IRS1: variants seen among roughly 807,000 people sequenced by gnomAD.
The protein encoded by IRS1 is insulin receptor substrate 1.
IRS1 carries 34 observed loss-of-function variants against 65.6 expected under a neutral mutation model. The ratio of observed to expected loss-of-function variants is 0.52; its 90% confidence interval spans 0.39 to 0.69. IRS1 has a LOEUF of 0.69. Ranked by LOEUF, IRS1 falls within the 30% of genes least tolerant of loss-of-function variation. The pLI, the probability that IRS1 is intolerant of heterozygous loss-of-function variation, is 0.00. For missense variants in IRS1, 1,641 were observed against 1,720.2 expected, an observed-to-expected ratio of 0.95 and a Z score of 0.81; for synonymous variants, 699 against 683.5, an observed-to-expected ratio of 1.02 and a Z score of -0.35.
At chr2:226,791,403 T>A (rs1939593320) in intron 1 of IRS1, among the ~76,000 whole-genome samples, 1 of 152,186 alleles carries the variant, frequency 6.6e-6, no homozygotes, top group South Asian at 2.1e-4. Flanking sequence ...CGTCACATGG[T>A]TACGGCCTGG....
In IRS1 at chr2:226,795,351, C is replaced by G. The variant is rs145977916; in HGVS notation, c.3388G>C (p.Gly1130Arg). The change falls in exon 1 of 2, where the codon GGT (glycine) becomes CGT (arginine). Residue 1130 changes from glycine (G) to arginine (R), a missense_variant. Coordinates refer to ENST00000305123, the MANE Select transcript of IRS1 (RefSeq NM_005544.3). ...GAGAAVGGGG[G>R]SSSSSEDVKR... is the part of the protein sequence containing the mutation. ...ACATCCTCGCTGCTGCTGCTGCTACCGCCACCGCCCCCTACTGCTGCCCCC... is the reference window on the plus strand; with the variant it reads ...ACATCCTCGCTGCTGCTGCTGCTACGGCCACCGCCCCCTACTGCTGCCCCC... The G allele has an allele frequency of 6.2e-7, 1 of 1,613,166 alleles. No individual in the cohort carries two copies. The highest frequency in any genetic ancestry group is 8.5e-7 in the Non-Finnish European group (1 of 1,179,970).
chr2:226,752,027 T>C (rs190113519), intron 1 of IRS1, among the ~76,000 whole-genome samples: 46 of 152,334 alleles, frequency 3.0e-4, no homozygotes, highest in African/African-American at 1.0e-3. Flanking sequence ...TCATGGTCTA[T>C]AACAACTTCA....
At position 226,735,689 on chromosome 2, in the gene IRS1, T is replaced by C. The variant is rs1559145082; in HGVS notation, c.*583A>G. 1 of 152,594 alleles carries C rather than the reference T, an allele frequency of 6.6e-6. No individual in the cohort carries two copies. Among genetic ancestry groups the C allele is most frequent in the Non-Finnish European group, 1.5e-5 (1 of 68,030 alleles). The allele number at this position is 152,594 out of a possible 1,614,324, so 9.5% of individuals were successfully genotyped here. A position where few individuals can be genotyped will look rare whatever the true frequency, so the allele number is the denominator to read the frequency against. The stretch of plus-strand genomic sequence containing the variant: ...CTCTTTTAAGCCTTGTTTTAAGCAT[T>C]TGCTCCACTCTTTACAACAGAACAT... On this transcript the variant is annotated 3_prime_UTR_variant, in exon 2 of 2. Transcript: ENST00000305123.
intron 1 of IRS1, among the ~76,000 whole-genome samples, chr2:226,777,567 T>A (rs894528694): frequency 6.6e-6 from 1 of 152,188 alleles, no homozygotes; most frequent in African/African-American, 2.4e-5. Flanking sequence ...CCAAATCTCA[T>A]CTTGTAGCTC....
At position 226,731,364 on chromosome 2, in the gene IRS1, A is replaced by G. The variant is rs1938218066; in HGVS notation, c.*4908T>C. ...CAGTTTGTTTCATGTCCAGCAATCA[A>G]AGACATTAAGGACCACTAATATTTA... On this transcript the variant is annotated 3_prime_UTR_variant, in exon 2 of 2. Transcript: ENST00000305123. 1 of 152,218 alleles carries G rather than the reference A, an allele frequency of 6.6e-6. No homozygotes were observed. The highest frequency in any genetic ancestry group is 1.5e-5 in the Non-Finnish European group (1 of 68,046). 9.4% of individuals were successfully genotyped at this position (152,218 alleles called of 1,614,324 possible).
chr2:226,798,642 G>C lies in IRS1; in HGVS notation c.97C>G (p.Arg33Gly), dbSNP rs762833254. The C allele has an allele frequency of 1.2e-6, 2 of 1,612,890 alleles. No individual in the cohort carries two copies. The highest frequency in any genetic ancestry group is 1.7e-6 in the Non-Finnish European group (2 of 1,179,560). ...GGGCCCCCAGCCTCGCTGGCCGCGC[G>C]CAGTACGAAGAAGCGTTTGTGCATG... is the stretch of plus-strand genomic sequence containing the variant. The part of the protein sequence containing the change: ...KSMHKRFFVL[R>G]AASEAGGPAR... The change falls in exon 1 of 2, where the codon CGC (arginine) becomes GGC (glycine). Residue 33 changes from arginine (R) to glycine (G), a missense_variant. Transcript: ENST00000305123. The surrounding 1 kb of genome is among the most constrained non-coding windows in gnomAD (Gnocchi z 9.4).
At chr2:226,783,637 C>T (rs1474514854) in intron 1 of IRS1, among the ~76,000 whole-genome samples, 1 of 152,150 alleles carries the variant, frequency 6.6e-6, no homozygotes, top group Non-Finnish European at 1.5e-5. Context: ...CTATAAACAT[C>T]TAAGAATAAT....
chr2:226,790,922 C>CA (rs1429326205), intron 1 of IRS1, among the ~76,000 whole-genome samples: 2 of 152,102 alleles, frequency 1.3e-5, no homozygotes, highest in African/African-American at 4.8e-5. Flanking sequence ...CTGGGACTGT[C>CA]AATGATGGAA....
chr2:226,740,100 A>G (rs1390363953), intron 1 of IRS1, among the ~76,000 whole-genome samples: 3 of 152,240 alleles, frequency 2.0e-5, no homozygotes, highest in Non-Finnish European at 4.4e-5. Context: ...AAGGCAAAAC[A>G]TTTCCTTAAG....
rs1397508718 is a variant in IRS1, at chr2:226,734,707, C to A, written c.*1565G>T. 6.6e-6 allele frequency: 1 copy of A among 152,196 alleles called. No homozygotes were observed. The highest frequency in any genetic ancestry group is 2.4e-5 in the African/African-American group (1 of 41,438). The allele number at this position is 152,196 out of a possible 1,614,324, so 9.4% of individuals were successfully genotyped here. On this transcript the variant is annotated 3_prime_UTR_variant, in exon 2 of 2. Transcript: ENST00000305123. Reference sequence around the variant, plus strand: ...TGATATTTGCATTAATTCATTTAACCTTTAGGAAGTTTCCTGGTAAAAAGA... The same window carrying A: ...TGATATTTGCATTAATTCATTTAACATTTAGGAAGTTTCCTGGTAAAAAGA...
At chr2:226,760,229 T>C (rs1456284789) in intron 1 of IRS1, among the ~76,000 whole-genome samples, 1 of 152,112 alleles carries the variant, frequency 6.6e-6, no homozygotes, top group African/African-American at 2.4e-5. Context: ...TCCAAATGAG[T>C]CATTTATGTG....
intron 1 of IRS1, among the ~76,000 whole-genome samples, chr2:226,767,580 G>C (rs374007014): frequency 6.6e-6 from 1 of 152,160 alleles, no homozygotes; most frequent in Non-Finnish European, 1.5e-5. Context: ...TCATAACCTG[G>C]GTGGCCAAGC....
chr2:226,737,087 C>G (rs1438697770), intron 1 of IRS1, among the ~76,000 whole-genome samples: 1 of 106,218 alleles, frequency 9.4e-6, no homozygotes, highest in Non-Finnish European at 1.8e-5. Flanking sequence ...TGTTATCCCT[C>G]CCCCCTCCCC....
intron 1 of IRS1, among the ~76,000 whole-genome samples, chr2:226,776,392 G>A (rs1037953459): frequency 1.3e-5 from 2 of 152,046 alleles, no homozygotes; most frequent in African/African-American, 4.8e-5. Flanking sequence ...GTAGATAACT[G>A]CCCAATCCTT....
rs202243502 is a variant in IRS1 at position 226,795,442 on chromosome 2, A to G, written c.3297T>C (p.His1099=). 1.1e-5 allele frequency: 17 copies of G among 1,613,486 alleles called. No homozygotes were observed. In the East Asian group the frequency reaches 1.8e-4, roughly 17 times the overall value. Residue 1099 remains histidine, a synonymous_variant, in exon 1 of 2, where the codon CAT becomes CAC. Transcript: ENST00000305123. Reference sequence around the variant, plus strand: ...GTGTTGAGGAGAAAGTCTCGGAGCTATGCCTCCGCCGGCACCCTTGTGGGT... The same window carrying G: ...GTGTTGAGGAGAAAGTCTCGGAGCTGTGCCTCCGCCGGCACCCTTGTGGGT... ...RADPQGCRRR[H]SSETFSSTPS...
rs561804239 is a variant in IRS1 at position 226,780,740 on chromosome 2, T to C, written c.*21+14249A>G. 2.0e-4 allele frequency among the ~76,000 whole-genome samples: 29 copies of C among 147,972 alleles called. No individual in the cohort carries two copies. In the East Asian group the frequency reaches 5.4e-3, roughly 28 times the overall value. ...TTATCCAAGTTTTTATATTCAGTCA[T>C]ACCAGATTACAGTCTTGTAATTTTG... On this transcript the variant is annotated intron_variant, in intron 1 of 1. Coordinates refer to ENST00000305123, the MANE Select transcript of IRS1 (RefSeq NM_005544.3).
At chr2:226,781,596 G>A (rs1413926144) in intron 1 of IRS1, among the ~76,000 whole-genome samples, 2 of 152,122 alleles carry the variant, frequency 1.3e-5, no homozygotes, top group Non-Finnish European at 2.9e-5. Context: ...AGCAGGCTTT[G>A]AAGACACAAT....
intron 1 of IRS1, among the ~76,000 whole-genome samples, chr2:226,769,008 CAAT>C (rs1173107788): frequency 6.6e-6 from 1 of 152,160 alleles, no homozygotes; most frequent in Non-Finnish European, 1.5e-5. Context: ...TCTCTAACAA[CAAT>C]GTTGTAACAC....
chr2:226,798,680 C>A lies in IRS1; in HGVS notation c.59G>T (p.Arg20Leu), dbSNP rs754992737. ...FSDVRKVGYL[R>L]KPKSMHKRFF... ...GCGTTTGTGCATGCTCTTGGGTTTG[C>A]GCAGGTAGCCCACCTTGCGCACGTC... Residue 20 changes from arginine (R) to leucine (L), a missense_variant, in exon 1 of 2, where the codon CGC becomes CTC. By Grantham distance (102) the Arg-to-Leu change is moderately radical (BLOSUM62 -2). Around this residue, in one of 3 missense-constraint regions of IRS1, gnomAD observed 240 missense variants for 229.6 expected, o/e 1.05. Coordinates refer to ENST00000305123, the MANE Select transcript of IRS1 (RefSeq NM_005544.3). The surrounding 1 kb of genome is among the most constrained non-coding windows in gnomAD (Gnocchi z 9.4). 1.3e-5 allele frequency: 21 copies of A among 1,613,140 alleles called. No individual in the cohort carries two copies. Among genetic ancestry groups the A allele is most frequent in the Non-Finnish European group, 1.7e-5 (20 of 1,179,930 alleles).
Sources: allele counts gnomAD v4.1 joint callset (sites outside exome capture counted in the v4.1 genomes callset), GRCh38; gene constraint gnomAD v4.1.1; regional missense constraint gnomAD v4.1.1; non-coding constraint Gnocchi (gnomAD v3.1); transcripts MANE v1.5; gene names NCBI Gene and HGNC (gene_info 2026-07-23, HGNC 2026-07-21).